Variants in TNNI3K observed in about 807,000 individuals in gnomAD.
The protein encoded by TNNI3K is serine/threonine-protein kinase TNNI3K.
A neutral mutation model predicts 114.5 loss-of-function variants in TNNI3K; 140 were observed. The ratio of observed to expected loss-of-function variants is 1.22; its 90% CI spans 1.07 to 1.41. TNNI3K has a LOEUF of 1.41. Ranked by LOEUF, TNNI3K falls within the 40% of genes most tolerant of loss-of-function variation. The pLI, the probability that TNNI3K is intolerant of heterozygous loss-of-function variation, is 0.00. For missense variants in TNNI3K, 1,125 were observed against 1,007.6 expected (o/e 1.12, Z -1.58); for synonymous variants, 347 against 347.5 (o/e 1.00, Z 0.02).
At chr1:74,268,763 T>C (rs1656169309) in intron 4 of TNNI3K, among the ~76,000 whole-genome samples, 1 of 151,862 alleles carries the variant, frequency 6.6e-6, no homozygotes, top group Non-Finnish European at 1.5e-5. Flanking sequence ...GACCTGCATC[T>C]TAACCCTGCC....
At chr1:74,425,029 A>G (rs1236910025) in intron 17 of TNNI3K, among the ~76,000 whole-genome samples, 1 of 152,116 alleles carries the variant, frequency 6.6e-6, no homozygotes, top group East Asian at 1.9e-4. Context: ...AGGCTAGAAT[A>G]TTTGGGTAAA....
At chr1:74,503,390 T>A (rs565055249) in intron 23 of TNNI3K, among the ~76,000 whole-genome samples, 106 of 152,354 alleles carry the variant, frequency 7.0e-4, no homozygotes, top group African/African-American at 2.4e-3. Context: ...ATGATATCTA[T>A]AGAATTTACA....
At position 74,369,257 on chromosome 1, in the gene TNNI3K, A is replaced by G. The variant is rs779729233; in HGVS notation, c.1465A>G (p.Ile489Val). Residue 489 changes from isoleucine to valine, a missense_variant, in exon 15 of 25, where the codon ATA (isoleucine) becomes GTA (valine). Coordinates refer to ENST00000326637, the MANE Select transcript of TNNI3K (RefSeq NM_015978.3). ...ACGATGCAGAAATAAAATAGTGGCT[A>G]TAAAACGGTAAGCAAGCAAATGAAA... ...KGRCRNKIVA[I>V]KRYRANTYCS... 96 of 1,612,088 alleles carry G rather than the reference A, an allele frequency of 6.0e-5. No homozygotes were observed. The highest frequency in any genetic ancestry group is 7.6e-5 in the Non-Finnish European group (90 of 1,179,058).
chr1:74,391,957 A>ATTTTTTTTTTTTTTTTTTTTTTTTTTTT (rs34656417), intron 17 of TNNI3K, among the ~76,000 whole-genome samples: 1 of 92,990 alleles, frequency 1.1e-5, no homozygotes, highest in African/African-American at 3.9e-5. Flanking sequence ...ACAGCTTATT[A>ATTTTTTTTTTTTTTTTTTTTTTTTTTTT]TTTTTTTTTT....
chr1:74,325,153 G>T (rs1355544085), intron 5 of TNNI3K, among the ~76,000 whole-genome samples: 3 of 152,142 alleles, frequency 2.0e-5, no homozygotes, highest in Admixed American at 1.3e-4. Context: ...GCATGCATGA[G>T]TTTCTGTGAA....
chr1:74,315,285 T>C (rs1267485098), intron 5 of TNNI3K, among the ~76,000 whole-genome samples: 3 of 152,160 alleles, frequency 2.0e-5, no homozygotes, highest in Non-Finnish European at 4.4e-5. Flanking sequence ...TAAATACTAT[T>C]TCCAAGACTG....
intron 11 of TNNI3K, among the ~76,000 whole-genome samples, chr1:74,365,374 A>G (rs902728516): frequency 3.3e-5 from 5 of 152,082 alleles, no homozygotes; most frequent in African/African-American, 4.8e-5. Context: ...CAGATTGCTG[A>G]TGAGCATCAC....
chr1:74,437,167 C>T (rs924782185), intron 19 of TNNI3K, among the ~76,000 whole-genome samples: 1 of 152,052 alleles, frequency 6.6e-6, no homozygotes, highest in African/African-American at 2.4e-5. Flanking sequence ...TCTACTTACA[C>T]TCAGTCACCT....
chr1:74,487,965 G>A (rs1668852256), intron 21 of TNNI3K, among the ~76,000 whole-genome samples: 1 of 152,100 alleles, frequency 6.6e-6, no homozygotes, highest in Admixed American at 6.6e-5. Context: ...AGGGTCTAGG[G>A]TATAACTAAG....
chr1:74,295,847 C>A (rs1025236599), intron 5 of TNNI3K, among the ~76,000 whole-genome samples: 2 of 152,044 alleles, frequency 1.3e-5, no homozygotes, highest in Non-Finnish European at 2.9e-5. Context: ...TATTTGAATT[C>A]AAGTATATTG....
At chr1:74,361,717 CT>C (rs1319974840) in intron 11 of TNNI3K, among the ~76,000 whole-genome samples, 1 of 151,914 alleles carries the variant, frequency 6.6e-6, no homozygotes, top group Non-Finnish European at 1.5e-5. Context: ...TTCAAGGATA[CT>C]ATCTAAAATT....
chr1:74,401,257 A>G (rs769179272), intron 17 of TNNI3K, among the ~76,000 whole-genome samples: 8 of 152,200 alleles, frequency 5.3e-5, no homozygotes, highest in Admixed American at 2.0e-4. Context: ...TTTCTAGGTC[A>G]TGCAATTCTG....
chr1:74,500,011 A>G (rs1018641050), intron 23 of TNNI3K, among the ~76,000 whole-genome samples: 1 of 151,794 alleles, frequency 6.6e-6, no homozygotes, highest in African/African-American at 2.4e-5. Flanking sequence ...AATATGAGCT[A>G]TATTTCTATT....
intron 5 of TNNI3K, among the ~76,000 whole-genome samples, chr1:74,280,393 A>T (rs561840116): frequency 3.0e-3 from 344 of 113,956 alleles, no homozygotes; most frequent in African/African-American, 9.4e-3. Flanking sequence ...AAAAAAAAAT[A>T]AAATAAAATA....
rs45600031 is a variant in TNNI3K, at chr1:74,261,276, A to G, written c.334-10322A>G. Among the ~76,000 whole-genome samples, 756 of 149,468 alleles carry G rather than the reference A, an allele frequency of 5.1e-3. 7 individuals carry two copies. The highest frequency in any genetic ancestry group is 0.018 in the African/African-American group (717 of 40,820). On this transcript the variant is annotated intron_variant, in intron 4 of 24. Coordinates refer to ENST00000326637, the MANE Select transcript of TNNI3K (RefSeq NM_015978.3). ...ACATCCCCAATAACTAAAAGCTAAG[A>G]AAAAAAAAAGAGTGAGAGGCAGCTC...
intron 17 of TNNI3K, among the ~76,000 whole-genome samples, chr1:74,392,014 G>A (rs983763216): frequency 1.6e-4 from 21 of 133,502 alleles, no homozygotes; most frequent in Non-Finnish European, 2.9e-4. Flanking sequence ...CGCCCAGGCT[G>A]GAGTGCAGTG....
At chr1:74,397,147 A>G (rs1196143298) in intron 17 of TNNI3K, among the ~76,000 whole-genome samples, 1 of 152,094 alleles carries the variant, frequency 6.6e-6, no homozygotes, top group Non-Finnish European at 1.5e-5. Context: ...CGGCTCAGGC[A>G]CAGAGAGAGA....
intron 5 of TNNI3K, among the ~76,000 whole-genome samples, chr1:74,284,877 A>T (rs926335353): frequency 1.3e-5 from 2 of 152,114 alleles, no homozygotes; most frequent in Admixed American, 1.3e-4. Context: ...TCTCACAATT[A>T]CTGCAGATCT....
intron 5 of TNNI3K, among the ~76,000 whole-genome samples, chr1:74,286,669 G>A (rs990878075): frequency 1.3e-5 from 2 of 151,312 alleles, no homozygotes; most frequent in Non-Finnish European, 2.9e-5. Flanking sequence ...AGGCCAGCCT[G>A]CCTGAGGACT....
Sources: allele counts gnomAD v4.1 joint callset (sites outside exome capture counted in the v4.1 genomes callset), GRCh38; gene constraint gnomAD v4.1.1; transcripts MANE v1.5; gene names NCBI Gene and HGNC (gene_info 2026-07-23, HGNC 2026-07-21).